Variants in AFAP1 observed in about 807,000 individuals in gnomAD.
AFAP1 encodes the protein actin filament-associated protein 1.
Under a neutral mutation model 93.9 loss-of-function variants are expected in AFAP1, and 75 were observed. The observed-to-expected ratio is 0.80, with a 90% CI of 0.66 to 0.97. AFAP1 has a LOEUF of 0.97. Among genes scored for constraint, AFAP1 ranks in the 50% least tolerant of loss-of-function variants. The pLI is 0.00. For synonymous variants in AFAP1, 517 were observed against 430.7 expected, an observed-to-expected ratio of 1.20 and a Z score of -2.48; for missense variants, 1,201 against 1,050.8, an observed-to-expected ratio of 1.14 and a Z score of -1.98.
intron 12 of AFAP1, among the ~76,000 whole-genome samples, chr4:7,783,295 A>G (rs1716950152): frequency 6.6e-6 from 1 of 152,084 alleles, no homozygotes; most frequent in Admixed American, 6.5e-5. Flanking sequence ...ACCCACCACC[A>G]TGCCCGGCTA....
intron 1 of AFAP1, among the ~76,000 whole-genome samples, chr4:7,876,862 G>C (rs891918397): frequency 2.6e-5 from 4 of 152,200 alleles, no homozygotes; most frequent in African/African-American, 9.6e-5. Flanking sequence ...GCAGACAGTT[G>C]TAATTGTTAG....
chr4:7,921,836 GAC>G (rs1322879351), intron 1 of AFAP1, among the ~76,000 whole-genome samples: 1 of 152,186 alleles, frequency 6.6e-6, no homozygotes, highest in East Asian at 1.9e-4. Context: ...TTAAAAAGAA[GAC>G]ACATAGGCCG....
At chr4:7,773,079 T>C (rs1715666456) in intron 15 of AFAP1, 69 bp from the exon 16 acceptor site, 3 of 1,520,732 alleles carry the variant, frequency 2.0e-6, no homozygotes, top group African/African-American at 2.8e-5. Flanking sequence ...AGAAGGCACC[T>C]GGTCCCCAAG....
chr4:7,833,589 C>CTTTTTT (rs33990733), intron 6 of AFAP1, among the ~76,000 whole-genome samples: 1 of 131,802 alleles, frequency 7.6e-6, no homozygotes, highest in Non-Finnish European at 1.6e-5. Flanking sequence ...GTGGAGATGT[C>CTTTTTT]TTTTTTTTTT....
At chr4:7,839,666 G>A (rs562891827) in intron 5 of AFAP1, among the ~76,000 whole-genome samples, 9 of 152,174 alleles carry the variant, frequency 5.9e-5, no homozygotes, top group Non-Finnish European at 1.0e-4. Context: ...TAAAGATTTC[G>A]ACTGGTAAGG....
chr4:7,784,384 G>A (rs1194602366), intron 12 of AFAP1, among the ~76,000 whole-genome samples: 1 of 152,112 alleles, frequency 6.6e-6, no homozygotes, highest in African/African-American at 2.4e-5. Context: ...CCGCTCCTAT[G>A]TCTGTTTCCC....
At chr4:7,831,393 TAAA>T (rs34512873) in intron 6 of AFAP1, among the ~76,000 whole-genome samples, 2 of 137,886 alleles carry the variant, frequency 1.5e-5, no homozygotes, top group African/African-American at 2.7e-5. Flanking sequence ...CAGCAAATGC[TAAA>T]AAAAAAAAAA....
At chr4:7,810,280 G>T (rs1410442718) in intron 8 of AFAP1, among the ~76,000 whole-genome samples, 2 of 152,238 alleles carry the variant, frequency 1.3e-5, no homozygotes, top group East Asian at 1.9e-4. Flanking sequence ...ACCACATGGA[G>T]ATCTAAGATA....
chr4:7,837,800 C>T (rs1176514628), intron 6 of AFAP1, among the ~76,000 whole-genome samples: 1 of 152,198 alleles, frequency 6.6e-6, no homozygotes, highest in Non-Finnish European at 1.5e-5. Context: ...GGGCGGATCA[C>T]TTGAGCTCAT....
chr4:7,927,562 C>T (rs1184284994), intron 1 of AFAP1, among the ~76,000 whole-genome samples: 1 of 152,166 alleles, frequency 6.6e-6, no homozygotes, highest in Non-Finnish European at 1.5e-5. Context: ...CGGTGGCTCA[C>T]GCCTGTAATT....
At chr4:7,880,098 C>T (rs1717755474) in intron 1 of AFAP1, among the ~76,000 whole-genome samples, 1 of 152,192 alleles carries the variant, frequency 6.6e-6, no homozygotes, top group Non-Finnish European at 1.5e-5. Flanking sequence ...CCAATCCCTT[C>T]ACTATTTACA....
chr4:7,884,175 C>G (rs1269771770), intron 1 of AFAP1, among the ~76,000 whole-genome samples: 1 of 152,158 alleles, frequency 6.6e-6, no homozygotes, highest in East Asian at 1.9e-4. Flanking sequence ...TCACCTTCCA[C>G]CATGACTGGA....
chr4:7,843,071 G>C (rs1713249335), intron 5 of AFAP1, 68 bp downstream of exon 5: 1 of 1,525,468 alleles, frequency 6.6e-7, no homozygotes, highest in South Asian at 1.2e-5. Context: ...ATGGTGACTG[G>C]ATATAAACGC....
At position 7,841,068 on chromosome 4, in the gene AFAP1, C is replaced by A. The variant is rs182354545; in HGVS notation, c.546+2071G>T. 4.4e-4 allele frequency among the ~76,000 whole-genome samples: 67 copies of A among 152,330 alleles called. No individual in the cohort carries two copies. The East Asian group carries it at 0.01, about 23-fold the overall frequency. ...TGCAATCAGCAATAGGGACAGGCTG[C>A]AATCTGGCAGTCCTAGCAGGCGGGA... is the stretch of plus-strand genomic sequence containing the variant. On this transcript the variant is annotated intron_variant, in intron 5 of 17. Transcript: ENST00000420658.
intron 17 of AFAP1, among the ~76,000 whole-genome samples, chr4:7,767,046 CAG>C (rs1714702352): frequency 6.6e-6 from 1 of 152,228 alleles, no homozygotes; most frequent in Non-Finnish European, 1.5e-5. Context: ...TTCATGTTCT[CAG>C]GGTCTACAGG....
In AFAP1 at chr4:7,798,405, A is replaced by G. The variant is rs112013254; in HGVS notation, c.1266+2037T>C. 6.3e-3 allele frequency among the ~76,000 whole-genome samples: 581 copies of G among 92,320 alleles called. 5 individuals carry two copies. Among genetic ancestry groups the G allele is most frequent in the Admixed American group, 7.1e-3 (58 of 8,204 alleles). 60.6% of individuals were successfully genotyped at this position (92,320 alleles called of 152,430 possible). A position where few individuals can be genotyped will look rare whatever the true frequency, so the allele number is the denominator to read the frequency against. On this transcript the variant is annotated intron_variant, in intron 10 of 17. Transcript: ENST00000420658. ...ACTGCAACCCTATTGGCTGGCTCAC[A>G]GCACTGCAACTCTATTGGCTGGCTC...
At chr4:7,840,857 G>A (rs1712923531) in intron 5 of AFAP1, among the ~76,000 whole-genome samples, 1 of 152,196 alleles carries the variant, frequency 6.6e-6, no homozygotes, top group Admixed American at 6.5e-5. Flanking sequence ...TTTAAATTGT[G>A]TAAACCTTTT....
chr4:7,843,984 AG>A (rs1713373747), intron 4 of AFAP1: 1 of 153,116 alleles, frequency 6.5e-6, no homozygotes, highest in African/African-American at 2.4e-5. Flanking sequence ...CTGCCACCTC[AG>A]GGTCTCTGCA....
chr4:7,815,967 TTTTG>T (rs751661288), intron 8 of AFAP1, 47 bp downstream of exon 8: 2 of 1,509,052 alleles, frequency 1.3e-6, no homozygotes, highest in Non-Finnish European at 1.8e-6. Flanking sequence ...AGATTTTTGT[TTTTG>T]TTTTTTTTTT....
Sources: allele counts gnomAD v4.1 joint callset (sites outside exome capture counted in the v4.1 genomes callset), GRCh38; gene constraint gnomAD v4.1.1; transcripts MANE v1.5; gene names NCBI Gene and HGNC (gene_info 2026-07-23, HGNC 2026-07-21).